The following CLPB variants were observed in gnomAD, a reference collection of about 807,000 sequenced individuals.
CLPB encodes mitochondrial disaggregase.
Under a neutral mutation model 78.4 loss-of-function variants are expected in CLPB, and 40 were observed. The ratio of observed to expected loss-of-function variants is 0.51; its 90% CI spans 0.40 to 0.66. CLPB has a LOEUF of 0.66. Ranked by LOEUF, CLPB falls within the 30% of genes least tolerant of loss-of-function variation. CLPB has a pLI of 0.00. For synonymous variants in CLPB, 333 were observed against 348.0 expected, an observed-to-expected ratio of 0.96 and a Z score of 0.48; for missense variants, 780 against 886.9, an observed-to-expected ratio of 0.88 and a Z score of 1.53.
intron 6 of CLPB, among the ~76,000 whole-genome samples, chr11:72,327,384 G>A (rs1311758423): frequency 6.6e-6 from 1 of 152,178 alleles, no homozygotes; most frequent in Non-Finnish European, 1.5e-5. Flanking sequence ...TGTCTACTTC[G>A]AATATGGTGT....
At chr11:72,388,093 C>A (rs1855137750) in intron 3 of CLPB, among the ~76,000 whole-genome samples, 1 of 152,058 alleles carries the variant, frequency 6.6e-6, no homozygotes, top group Admixed American at 6.5e-5. Flanking sequence ...AGACAGTGGT[C>A]TAGCAGGGTG....
At chr11:72,427,961 G>C (rs183239815) in intron 2 of CLPB, among the ~76,000 whole-genome samples, 1 of 152,162 alleles carries the variant, frequency 6.6e-6, no homozygotes, top group Non-Finnish European at 1.5e-5. Flanking sequence ...GTACAGAAAG[G>C]CTGAATAAGG....
chr11:72,294,425 T>G lies in CLPB; in HGVS notation c.1580A>C (p.Glu527Ala). 1 of 1,614,098 alleles carries G rather than the reference T, an allele frequency of 6.2e-7. No individual in the cohort carries two copies. Among genetic ancestry groups the G allele is most frequent in the Non-Finnish European group, 8.5e-7 (1 of 1,180,018 alleles). The change falls in exon 14 of 16, where the codon GAG becomes GCG. Residue 527 changes from glutamate to alanine, a missense_variant. Transcript: ENST00000538039. The part of the protein sequence containing the change: ...PILKAHFRRD[E>A]FLGRINEIVY... ...GATCTCATTGATCCGTCCCAGAAAC[T>G]CATCCCTCCGGAAGTGAGCCTGAAG...
chr11:72,317,199 G>A lies in CLPB; in HGVS notation c.895C>T (p.Arg299Cys), dbSNP rs775132161. 18 of 1,610,688 alleles carry A rather than the reference G, an allele frequency of 1.1e-5. No individual in the cohort carries two copies. The highest frequency in any genetic ancestry group is 2.2e-5 in the South Asian group (2 of 90,544). Reference sequence around the variant, plus strand: ...AAGCGGCGCCGCTCCTCAGCCTCACGCTTCCGCTGCTTCTCTTGGTACTGT... The same window carrying A: ...AAGCGGCGCCGCTCCTCAGCCTCACACTTCCGCTGCTTCTCTTGGTACTGT... ...EAKYQEKQRK[R>C]EAEERRRFPL... Residue 299 changes from arginine to cysteine, a missense_variant, in exon 7 of 16, where the codon CGT (arginine) becomes TGT (cysteine). This residue lies in a region of CLPB where 417 missense variants were observed against 414.7 expected (regional missense o/e 1.01). Transcript: ENST00000538039.
chr11:72,302,030 G>A (rs572628486), intron 10 of CLPB, 66 bp from the exon 11 acceptor site: 1 of 1,557,218 alleles, frequency 6.4e-7, no homozygotes, highest in Non-Finnish European at 8.8e-7. Context: ...CATGGGGCAT[G>A]CATGGGAAGA....
chr11:72,379,404 A>C (rs996716256), intron 4 of CLPB, among the ~76,000 whole-genome samples: 2 of 152,226 alleles, frequency 1.3e-5, no homozygotes. Flanking sequence ...ACGAAAGCTC[A>C]AATGTAAAAT....
intron 4 of CLPB, among the ~76,000 whole-genome samples, chr11:72,371,105 C>T (rs758584776): frequency 1.3e-5 from 2 of 152,024 alleles, no homozygotes; most frequent in Non-Finnish European, 2.9e-5. Flanking sequence ...GCTCTGTCAC[C>T]CAGGCTGGAG....
chr11:72,311,578 A>G (rs558041948), intron 7 of CLPB, among the ~76,000 whole-genome samples: 30 of 152,288 alleles, frequency 2.0e-4, no homozygotes, highest in Non-Finnish European at 2.9e-4. Flanking sequence ...GCGCTGTACT[A>G]TGGGAGCTTA....
At chr11:72,320,351 T>C (rs151145432) in intron 6 of CLPB, among the ~76,000 whole-genome samples, 1 of 152,328 alleles carries the variant, frequency 6.6e-6, no homozygotes, top group East Asian at 1.9e-4. Context: ...TTGTTTGGTA[T>C]TCCTGTTTAT....
At chr11:72,325,328 C>T (rs981683476) in intron 6 of CLPB, among the ~76,000 whole-genome samples, 16 of 152,138 alleles carry the variant, frequency 1.1e-4, no homozygotes, top group Admixed American at 8.5e-4. Context: ...AGGTGATCCA[C>T]GCTTTCTTGG....
At chr11:72,422,265 CAAAA>C (rs71469431) in intron 2 of CLPB, among the ~76,000 whole-genome samples, 10 of 24,976 alleles carry the variant, frequency 4.0e-4, no homozygotes, top group Non-Finnish European at 8.4e-4. Flanking sequence ...GACTCCGTCT[CAAAA>C]AAAAAAAAAA....
chr11:72,294,512 C>G (rs1949514379), intron 13 of CLPB, 68 bp from the exon 14 acceptor site: 1 of 1,611,358 alleles, frequency 6.2e-7, no homozygotes, highest in Non-Finnish European at 8.5e-7. Context: ...TTACCAGACA[C>G]CAGGGGAAGA....
Position 72,289,567 on chromosome 11 carries a change from TTTTA to T in CLPB, c.*3796_*3799del, listed in dbSNP as rs1214752387. 3 of 152,066 alleles carry T rather than the reference TTTTA, an allele frequency of 2.0e-5. No homozygotes were observed. The highest frequency in any genetic ancestry group is 4.4e-5 in the Non-Finnish European group (3 of 68,010). 9.4% of individuals were successfully genotyped at this position (152,066 alleles called of 1,614,324 possible). On this transcript the variant is annotated 3_prime_UTR_variant, in exon 16 of 16. Coordinates refer to ENST00000538039, the MANE Select transcript of CLPB (RefSeq NM_001258392.3). ...TTAAAACCGTATCTAAACTCATGATTTTTATTTATTTTTAAAAATATGAAACGGA... is the reference window on the plus strand; with the variant it reads ...TTAAAACCGTATCTAAACTCATGATTTTTATTTTTAAAAATATGAAACGGA...
Position 72,308,496 on chromosome 11 carries a change from T to C in CLPB, c.1066+31A>G, listed in dbSNP as rs754370984. 12 of 1,601,156 alleles carry C rather than the reference T, an allele frequency of 7.5e-6. No homozygotes were observed. The East Asian group carries it at 8.9e-5, about 12-fold the overall frequency. ...TGGGCCGGGCACTACCCTAGCTCTC[T>C]GTCCCCACTGGCTGATCTGCTCCCA... On this transcript the variant is annotated intron_variant, in intron 8 of 15. Coordinates refer to ENST00000538039, the MANE Select transcript of CLPB (RefSeq NM_001258392.3).
At chr11:72,382,677 G>A (rs1407559060) in intron 3 of CLPB, among the ~76,000 whole-genome samples, 1 of 152,162 alleles carries the variant, frequency 6.6e-6, no homozygotes, top group Non-Finnish European at 1.5e-5. Context: ...ACACAAGATG[G>A]CCTGCCCAGA....
intron 2 of CLPB, among the ~76,000 whole-genome samples, chr11:72,428,321 T>C (rs1856447703): frequency 6.6e-6 from 1 of 152,206 alleles, no homozygotes; most frequent in South Asian, 2.1e-4. Flanking sequence ...TTCACTCCTC[T>C]GCAAGTCAGC....
rs768311146 is a variant in CLPB at position 72,294,693 on chromosome 11, C to T, written c.1487G>A (p.Gly496Glu). The T allele has an allele frequency of 3.1e-6, 5 of 1,613,404 alleles. No individual in the cohort carries two copies. In the South Asian group the frequency reaches 5.5e-5, roughly 18 times the overall value. The part of the protein sequence containing the change: ...MSRNRIAENL[G>E]DVQISDKITI... ...GATCTTGTCACTTATCTGGACATCCCCTGTGGAGAAGAATCATAAACTGCT... is the reference window on the plus strand; with the variant it reads ...GATCTTGTCACTTATCTGGACATCCTCTGTGGAGAAGAATCATAAACTGCT... The change falls in exon 13 of 16, where the codon GGG becomes GAG. Residue 496 changes from glycine (G) to glutamate (E), a missense_variant and splice_region_variant. Physicochemically the swap from Gly to Glu is moderately conservative, Grantham distance 98. This residue lies in a region of CLPB where 272 missense variants were observed against 304.0 expected (regional missense o/e 0.89). Transcript: ENST00000538039.
intron 5 of CLPB, 105 bp downstream of exon 5, chr11:72,358,775 G>C: frequency 1.1e-6 from 1 of 895,040 alleles, no homozygotes; most frequent in Non-Finnish European, 1.6e-6. Flanking sequence ...AGGCTGCCAA[G>C]TACTCTCTCC....
rs562338609 is a variant in CLPB, at chr11:72,292,746, C to T, written c.*621G>A. The T allele has an allele frequency of 7.4e-4, 113 of 153,248 alleles. No homozygotes were observed. Among genetic ancestry groups the T allele is most frequent in the Non-Finnish European group, 1.1e-3 (78 of 68,786 alleles). The allele number at this position is 153,248 out of a possible 1,614,324, so 9.5% of individuals were successfully genotyped here. A position where few individuals can be genotyped will look rare whatever the true frequency, so the allele number is the denominator to read the frequency against. On this transcript the variant is annotated 3_prime_UTR_variant, in exon 16 of 16. Transcript: ENST00000538039. The stretch of plus-strand genomic sequence containing the variant: ...GACGAAACATGGTCTGGCCTGACCC[C>T]AGGACGTGGGGTGAGGAGGAACACT...
Sources: allele counts gnomAD v4.1 joint callset (sites outside exome capture counted in the v4.1 genomes callset), GRCh38; gene constraint gnomAD v4.1.1; regional missense constraint gnomAD v4.1.1; transcripts MANE v1.5; gene names NCBI Gene and HGNC (gene_info 2026-07-23, HGNC 2026-07-21).